LARP1B: variants seen among roughly 807,000 people sequenced by gnomAD.
The protein encoded by LARP1B is la-related protein 1B.
LARP1B carries 76 observed loss-of-function variants against 114.2 expected under a neutral mutation model. The observed-to-expected ratio is 0.67, with a 90% confidence interval of 0.55 to 0.81. The LOEUF (loss-of-function observed/expected upper bound fraction) is 0.81, where lower values mean the gene tolerates loss of function less well. LARP1B is among the 30% of genes least tolerant of loss of function. The pLI, the probability that LARP1B is intolerant of heterozygous loss-of-function variation, is 0.00. For missense variants in LARP1B, 1,014 were observed against 1,075.8 expected (o/e 0.94, Z 0.80); for synonymous variants, 345 against 348.0 (o/e 0.99, Z 0.10).
intron 5 of LARP1B, among the ~76,000 whole-genome samples, chr4:128,085,255 C>A (rs536318750): frequency 2.0e-5 from 3 of 150,154 alleles, no homozygotes; most frequent in Non-Finnish European, 4.4e-5. Context: ...TGTTTAATTT[C>A]TTTTCTCCCT....
At chr4:128,212,912 C>CTTTTT (rs1174891101), downstream of LARP1B, among the ~76,000 whole-genome samples, 95 of 83,756 alleles carry the variant, frequency 1.1e-3, 1 homozygote, top group Middle Eastern at 0.02. Context: ...AAATCTCTCT[C>CTTTTT]TTTTTTTTTT....
chr4:128,118,245 T>C (rs2149959246), intron 10 of LARP1B, among the ~76,000 whole-genome samples: 1 of 147,142 alleles, frequency 6.8e-6, no homozygotes, highest in South Asian at 2.2e-4. Context: ...TTTTTTTTTT[T>C]TTTTTGAGAT....
Position 128,073,591 on chromosome 4 carries a change from T to TTTG in LARP1B, c.-77-867_-77-866insGTT, listed in dbSNP as rs1561057184. 2.4e-3 allele frequency among the ~76,000 whole-genome samples: 66 copies of TTTG among 27,940 alleles called. 4 individuals carry two copies. Among genetic ancestry groups the TTTG allele is most frequent in the African/African-American group, 4.7e-3 (43 of 9,152 alleles). The allele number at this position is 27,940 out of a possible 152,430, so 18.3% of individuals were successfully genotyped here. ...GTTGTCGTTTTTTTTTTTTTTTTTT[T>TTTG]TTTTTTTTTTTTTTTTTTGGACAGA... On this transcript the variant is annotated intron_variant, in intron 1 of 19. Transcript: ENST00000326639.
downstream of LARP1B, among the ~76,000 whole-genome samples, chr4:128,214,235 C>T (rs559089147): frequency 2.7e-5 from 4 of 146,288 alleles, no homozygotes; most frequent in South Asian, 4.8e-4. Flanking sequence ...GAGGGGCGCC[C>T]GCCATTGCCC....
chr4:128,094,802 A>G (rs552175749), intron 7 of LARP1B, among the ~76,000 whole-genome samples: 5 of 152,050 alleles, frequency 3.3e-5, no homozygotes, highest in African/African-American at 1.2e-4. Flanking sequence ...CCCAGGCTGC[A>G]GTGCAATGGT....
intron 10 of LARP1B, among the ~76,000 whole-genome samples, chr4:128,120,816 T>C (rs1438700855): frequency 6.8e-6 from 1 of 147,276 alleles, no homozygotes. Context: ...TTTTTTTTTT[T>C]TTTTTTTTTC....
At position 128,211,640 on chromosome 4, in the gene LARP1B, G is replaced by C; in HGVS notation, c.*1587G>C. The C allele has an allele frequency of 2.0e-6, 2 of 982,752 alleles. No homozygotes were observed. Among genetic ancestry groups the C allele is most frequent in the Non-Finnish European group, 1.2e-6 (1 of 827,578 alleles). The allele number at this position is 982,752 out of a possible 1,614,324, so 60.9% of individuals were successfully genotyped here. A position where few individuals can be genotyped will look rare whatever the true frequency, so the allele number is the denominator to read the frequency against. Reference sequence around the variant, plus strand: ...ATCTTCAAGTCTTTTCTTAAATGGGGTATGTAGTTCCAGCTTTTCAGTGAG... The same window carrying C: ...ATCTTCAAGTCTTTTCTTAAATGGGCTATGTAGTTCCAGCTTTTCAGTGAG... On this transcript the variant is annotated 3_prime_UTR_variant, in exon 20 of 20. Transcript: ENST00000326639.
At chr4:128,064,617 A>G (rs1457089273) in intron 1 of LARP1B, among the ~76,000 whole-genome samples, 3 of 152,224 alleles carry the variant, frequency 2.0e-5, no homozygotes, top group Non-Finnish European at 4.4e-5. Context: ...TTAGCAAAGA[A>G]AGAAAACCCT....
At position 128,202,981 on chromosome 4, in the gene LARP1B, T is replaced by C. The variant is rs7666622; in HGVS notation, c.2309+2316T>C. On this transcript the variant is annotated intron_variant, in intron 17 of 19. Coordinates refer to ENST00000326639, the MANE Select transcript of LARP1B (RefSeq NM_018078.4). ...TGGGAGGCCGAGGCAGGCAGATCACTGAAGCCAGGAGTTCGAGACTAGCCT... is the reference window on the plus strand; with the variant it reads ...TGGGAGGCCGAGGCAGGCAGATCACCGAAGCCAGGAGTTCGAGACTAGCCT... Among the ~76,000 whole-genome samples the C allele has an allele frequency of 3.7e-3, 571 of 152,316 alleles. 6 individuals carry two copies. The highest frequency in any genetic ancestry group is 0.013 in the African/African-American group (538 of 41,566).
intron 3 of LARP1B, among the ~76,000 whole-genome samples, chr4:128,076,337 T>C (rs1767860255): frequency 6.6e-6 from 1 of 152,236 alleles, no homozygotes; most frequent in African/African-American, 2.4e-5. Context: ...GGTAATCTTA[T>C]ATTTGAGATT....
intron 5 of LARP1B, among the ~76,000 whole-genome samples, chr4:128,085,116 G>T (rs566178603): frequency 4.6e-5 from 7 of 152,094 alleles, no homozygotes; most frequent in African/African-American, 1.7e-4. Context: ...CACCCACCTC[G>T]ATGTCCCAAA....
At chr4:128,084,153 C>G (rs928568892) in intron 5 of LARP1B, among the ~76,000 whole-genome samples, 25 of 151,820 alleles carry the variant, frequency 1.6e-4, no homozygotes, top group Admixed American at 1.5e-3. Context: ...GGCAGCCAGG[C>G]AGAGGGGCTC....
chr4:128,077,181 A>C (rs1017220708), intron 3 of LARP1B, among the ~76,000 whole-genome samples: 8 of 152,090 alleles, frequency 5.3e-5, no homozygotes, highest in African/African-American at 1.9e-4. Flanking sequence ...TTTTTGATGA[A>C]GTATGTGATC....
At chr4:128,061,591 T>G in intron 1 of LARP1B, 190 bp downstream of exon 1, 1 of 791,536 alleles carries the variant, frequency 1.3e-6, no homozygotes, top group Non-Finnish European at 1.5e-6. Flanking sequence ...TCTCGGGTTG[T>G]CTGTCCCCAG....
intron 12 of LARP1B, among the ~76,000 whole-genome samples, chr4:128,162,828 A>G (rs1039910095): frequency 3.9e-5 from 6 of 152,146 alleles, no homozygotes; most frequent in Non-Finnish European, 5.9e-5. Flanking sequence ...TTTTATAATA[A>G]AACTCCCATG....
chr4:128,110,662 GCGAGACTC>G (rs1244471002), intron 9 of LARP1B, among the ~76,000 whole-genome samples: 1 of 29,710 alleles, frequency 3.4e-5, no homozygotes, highest in Non-Finnish European at 5.2e-5. Flanking sequence ...GGGCGACAGA[GCGAGACTC>G]CGTCTCAAAA....
intron 1 of LARP1B, chr4:128,069,509 G>C (rs1764369552): frequency 1.3e-6 from 1 of 750,058 alleles, no homozygotes; most frequent in Non-Finnish European, 2.4e-6. Context: ...AGATGGGGTG[G>C]GGAGCCCTGT....
At chr4:128,189,008 C>CA (rs1040311298) in intron 15 of LARP1B, among the ~76,000 whole-genome samples, 1 of 152,104 alleles carries the variant, frequency 6.6e-6, no homozygotes, top group African/African-American at 2.4e-5. Context: ...TCACTAGGTC[C>CA]AGTTGGTCTA....
intron 1 of LARP1B, among the ~76,000 whole-genome samples, chr4:128,070,866 T>G (rs1005567669): frequency 6.6e-6 from 1 of 151,986 alleles, no homozygotes; most frequent in African/African-American, 2.4e-5. Context: ...GATTTACCTG[T>G]TGATTATCTT....
Sources: allele counts gnomAD v4.1 joint callset (sites outside exome capture counted in the v4.1 genomes callset), GRCh38; gene constraint gnomAD v4.1.1; transcripts MANE v1.5; gene names NCBI Gene and HGNC (gene_info 2026-07-23, HGNC 2026-07-21).